ASCC3: variants seen among roughly 807,000 people sequenced by gnomAD.
ASCC3 encodes ASC-1 complex subunit P200.
A neutral mutation model predicts 256.3 loss-of-function variants in ASCC3; 158 were observed. The observed-to-expected ratio is 0.62, with a 90% confidence interval of 0.54 to 0.70. The LOEUF (loss-of-function observed/expected upper bound fraction) is 0.70. Among genes scored for constraint, ASCC3 ranks in the 30% least tolerant of loss-of-function variants. The pLI, the probability that ASCC3 is intolerant of heterozygous loss-of-function variation, is 0.00. For missense variants in ASCC3, 2,259 were observed against 2,626.0 expected, an observed-to-expected ratio of 0.86 and a Z score of 3.05; for synonymous variants, 948 against 883.4, an observed-to-expected ratio of 1.07 and a Z score of -1.30.
At position 100,652,857 on chromosome 6, in the gene ASCC3, C is replaced by T. The variant is rs759060261; in HGVS notation, c.2856G>A (p.Gln952=). ...GTTTTCGTCCAACTTCAATGACCAA[C>T]TGTTCTCGATGCTTTCTTAATGTTG... ...IDPTLRKHRE[Q]LVIEVGRKLD... The change falls in exon 18 of 42, where the codon CAG becomes CAA. Residue 952 remains glutamine, a synonymous_variant. Transcript: ENST00000369162. 2.2e-5 allele frequency: 35 copies of T among 1,613,784 alleles called. No individual in the cohort carries two copies. Among genetic ancestry groups the T allele is most frequent in the Middle Eastern group, 3.3e-4 (2 of 6,080 alleles).
intron 3 of ASCC3, 76 bp from the exon 4 acceptor site, chr6:100,848,783 C>G: frequency 7.2e-7 from 1 of 1,384,666 alleles, no homozygotes; most frequent in Non-Finnish European, 1.0e-6. Flanking sequence ...AAAATTACCA[C>G]AAATATTCTC....
intron 14 of ASCC3, among the ~76,000 whole-genome samples, chr6:100,665,395 T>A (rs771339540): frequency 1.6e-4 from 25 of 152,046 alleles, no homozygotes; most frequent in Non-Finnish European, 3.1e-4. Flanking sequence ...AATCTGAATT[T>A]TCCATCTGTG....
intron 8 of ASCC3, among the ~76,000 whole-genome samples, chr6:100,795,064 T>A (rs1179677875): frequency 6.6e-6 from 1 of 152,064 alleles, no homozygotes; most frequent in Non-Finnish European, 1.5e-5. Context: ...TGAGTAGCCA[T>A]GTGTCAGTAA....
intron 4 of ASCC3, among the ~76,000 whole-genome samples, chr6:100,829,867 T>C (rs1481155221): frequency 6.6e-6 from 1 of 152,108 alleles, no homozygotes; most frequent in African/African-American, 2.4e-5. Context: ...ACCACTACTC[T>C]TGGCTTTGGG....
At chr6:100,516,916 A>T (rs1353697591) in intron 38 of ASCC3, among the ~76,000 whole-genome samples, 1 of 152,038 alleles carries the variant, frequency 6.6e-6, no homozygotes, top group Non-Finnish European at 1.5e-5. Context: ...CAGCTACCAT[A>T]GCAGACCTGT....
intron 11 of ASCC3, among the ~76,000 whole-genome samples, chr6:100,724,003 T>A (rs1285412302): frequency 1.1e-4 from 16 of 146,360 alleles, no homozygotes; most frequent in Non-Finnish European, 2.1e-4. Context: ...AAGATGGGCA[T>A]AGAAGTGTTT....
intron 4 of ASCC3, among the ~76,000 whole-genome samples, chr6:100,831,899 A>T (rs1039500890): frequency 1.3e-5 from 2 of 152,090 alleles, no homozygotes; most frequent in African/African-American, 4.8e-5. Flanking sequence ...TTAAAGAAGA[A>T]CTGGTGGATA....
intron 13 of ASCC3, among the ~76,000 whole-genome samples, chr6:100,712,262 G>A (rs928377231): frequency 6.6e-6 from 1 of 152,034 alleles, no homozygotes. Flanking sequence ...TGACAAGCTG[G>A]ACTTTATTAA....
At chr6:100,651,780 G>A (rs1332117677) in intron 18 of ASCC3, 134 bp from the exon 19 acceptor site, 4 of 319,906 alleles carry the variant, frequency 1.3e-5, no homozygotes, top group Non-Finnish European at 2.3e-5. Flanking sequence ...CTGTGTTACA[G>A]TATTTAAAGT....
At chr6:100,556,156 A>G (rs1769562128) in intron 36 of ASCC3, among the ~76,000 whole-genome samples, 1 of 152,204 alleles carries the variant, frequency 6.6e-6, no homozygotes, top group African/African-American at 2.4e-5. Flanking sequence ...CAAGAATTAA[A>G]CCCAAAATGG....
intron 33 of ASCC3, among the ~76,000 whole-genome samples, chr6:100,602,585 T>C (rs745875740): frequency 2.7e-4 from 41 of 151,970 alleles, no homozygotes; most frequent in Non-Finnish European, 5.3e-4. Flanking sequence ...GGAGCAAGTA[T>C]AGAATAAGTA....
At position 100,589,758 on chromosome 6, in the gene ASCC3, C is replaced by T. The variant is rs1771895099; in HGVS notation, c.5426G>A (p.Ser1809Asn). ...YCIEIGEDNR[S>N]IEPLTYGRIA... ...TCGGCCATAAGTTAGAGGTTCAATG[C>T]TGCGATTATCCTATTTCAAAAGAAT... is the stretch of plus-strand genomic sequence containing the variant. Residue 1809 changes from serine (S) to asparagine (N), a missense_variant, in exon 36 of 42, where the codon AGC (serine) becomes AAC (asparagine). Ser to Asn is a conservative substitution (Grantham distance 46). Transcript: ENST00000369162. 3 of 1,613,642 alleles carry T rather than the reference C, an allele frequency of 1.9e-6. No homozygotes were observed. Among genetic ancestry groups the T allele is most frequent in the Non-Finnish European group, 1.7e-6 (2 of 1,179,768 alleles).
intron 39 of ASCC3, among the ~76,000 whole-genome samples, chr6:100,513,207 C>T (rs1172125800): frequency 1.3e-5 from 2 of 152,086 alleles, no homozygotes; most frequent in Non-Finnish European, 2.9e-5. Flanking sequence ...GTATTTGTGT[C>T]TATATGCATG....
At chr6:100,716,628 A>G (rs1447713963) in intron 12 of ASCC3, among the ~76,000 whole-genome samples, 3 of 151,736 alleles carry the variant, frequency 2.0e-5, no homozygotes, top group African/African-American at 7.3e-5. Flanking sequence ...AAAAGACAAA[A>G]CTCCCAATAA....
At chr6:100,611,143 C>T (rs1773373304) in intron 30 of ASCC3, among the ~76,000 whole-genome samples, 1 of 152,118 alleles carries the variant, frequency 6.6e-6, no homozygotes, top group Non-Finnish European at 1.5e-5. Flanking sequence ...GTTTCTCAAT[C>T]TCCTAGACCC....
At chr6:100,750,719 C>T (rs1460433926) in intron 10 of ASCC3, among the ~76,000 whole-genome samples, 1 of 151,952 alleles carries the variant, frequency 6.6e-6, no homozygotes, top group Non-Finnish European at 1.5e-5. Flanking sequence ...ATATATACTT[C>T]ACCATTCTTT....
At chr6:100,709,404 A>G (rs1191753172) in intron 13 of ASCC3, among the ~76,000 whole-genome samples, 1 of 152,174 alleles carries the variant, frequency 6.6e-6, no homozygotes, top group Non-Finnish European at 1.5e-5. Context: ...TGAAGACATT[A>G]TGGGTTTTAT....
Position 100,769,784 on chromosome 6 carries a change from TAAAAG to T in ASCC3, c.1396-2444_1396-2440del, listed in dbSNP as rs1781835167. Among the ~76,000 whole-genome samples the T allele has an allele frequency of 3.3e-5, 5 of 151,730 alleles. 1 individual carries two copies. Among genetic ancestry groups the T allele is most frequent in the Admixed American group, 2.6e-4 (4 of 15,244 alleles). On this transcript the variant is annotated intron_variant, in intron 8 of 41. Coordinates refer to ENST00000369162, the MANE Select transcript of ASCC3 (RefSeq NM_006828.4). ...GCATCACTAGAGATAATATAGATAT[TAAAAG>T]AATAGTAAGAAAATATAATGAACAA...
chr6:100,617,403 C>T (rs574747051), intron 30 of ASCC3, among the ~76,000 whole-genome samples: 3 of 152,238 alleles, frequency 2.0e-5, no homozygotes, highest in African/African-American at 4.8e-5. Context: ...CTATCCAGAT[C>T]GTAGCACTAT....
Sources: gnomAD v4.1 joint callset for allele counts (sites outside exome capture counted in the v4.1 genomes callset) on GRCh38, gnomAD v4.1.1 for gene constraint, MANE v1.5 for transcripts, NCBI Gene and HGNC (gene_info 2026-07-23, HGNC 2026-07-21) for gene names.